ALG6: variants seen among roughly 807,000 people sequenced by gnomAD.
ALG6 encodes dolichyl pyrophosphate Man9GlcNAc2 alpha-1,3-glucosyltransferase.
ALG6 carries 46 observed loss-of-function variants against 66.6 expected under a neutral mutation model. The ratio of observed to expected loss-of-function variants is 0.69; its 90% confidence interval spans 0.55 to 0.88. The LOEUF (loss-of-function observed/expected upper bound fraction) is 0.88, where lower values mean the gene tolerates loss of function less well. Ranked by LOEUF, ALG6 falls within the 40% of genes least tolerant of loss-of-function variation. The pLI, the probability that ALG6 is intolerant of heterozygous loss-of-function variation, is 0.00. For missense variants in ALG6, 505 were observed against 586.8 expected, an observed-to-expected ratio of 0.86 and a Z score of 1.44; for synonymous variants, 185 against 203.7, an observed-to-expected ratio of 0.91 and a Z score of 0.78.
chr1:63,405,994 A>G (rs1557589683), intron 5 of ALG6, among the ~76,000 whole-genome samples: 1 of 152,108 alleles, frequency 6.6e-6, no homozygotes, highest in South Asian at 2.1e-4. Flanking sequence ...GAAAATTCAG[A>G]GTATATAGAT....
Position 63,395,928 on chromosome 1 carries a change from T to C in ALG6, c.83-585T>C, listed in dbSNP as rs185152499. Among the ~76,000 whole-genome samples, 174 of 152,300 alleles carry C rather than the reference T, an allele frequency of 1.1e-3. 1 individual carries two copies. The highest frequency in any genetic ancestry group is 3.1e-4 in the Non-Finnish European group (21 of 68,036). On this transcript the variant is annotated intron_variant, in intron 2 of 14. Coordinates refer to ENST00000263440, the MANE Select transcript of ALG6 (RefSeq NM_013339.4). ...TGCCTGTACTGAACATGTAGATTTT[T>C]TTCCCTTGCATTATCCCCTAAACAA...
chr1:63,398,267 G>A (rs1479088931), intron 3 of ALG6, among the ~76,000 whole-genome samples: 1 of 152,124 alleles, frequency 6.6e-6, no homozygotes, highest in Non-Finnish European at 1.5e-5. Context: ...CACTTTAAAT[G>A]TCTCTTAGTA....
chr1:63,373,658 A>T (rs11208196), intron 2 of ALG6, among the ~76,000 whole-genome samples: 70,912 of 133,002 alleles, frequency 0.53, 19,588 homozygotes, highest in East Asian at 0.69. Context: ...TTTAATTTAC[A>T]TTTTTTTTTT....
intron 14 of ALG6, among the ~76,000 whole-genome samples, chr1:63,430,667 G>T (rs977607119): frequency 2.6e-5 from 4 of 152,140 alleles, no homozygotes; most frequent in African/African-American, 9.7e-5. Flanking sequence ...ATCTTTTCAT[G>T]TGCTTATCGG....
chr1:63,405,722 GA>G (rs1286910008), intron 5 of ALG6, among the ~76,000 whole-genome samples: 1 of 151,806 alleles, frequency 6.6e-6, no homozygotes. Context: ...TGAGATATAA[GA>G]AAAAAATAAG....
In ALG6 at chr1:63,422,432, A is replaced by T. The variant is rs190802050; in HGVS notation, c.1058+2992A>T. Among the ~76,000 whole-genome samples, 21 of 23,960 alleles carry T rather than the reference A, an allele frequency of 8.8e-4. 2 individuals carry two copies. The highest frequency in any genetic ancestry group is 0.038 in the Middle Eastern group (1 of 26). 15.7% of individuals were successfully genotyped at this position (23,960 alleles called of 152,430 possible). A position where few individuals can be genotyped will look rare whatever the true frequency, so the allele number is the denominator to read the frequency against. ...AAATATAAATATATATATAAATATA[A>T]ATATATATATAAATATATATATAAA... is the stretch of plus-strand genomic sequence containing the variant. On this transcript the variant is annotated intron_variant, in intron 12 of 14. Coordinates refer to ENST00000263440, the MANE Select transcript of ALG6 (RefSeq NM_013339.4).
At chr1:63,424,774 ATTTTTTTTTTTTT>A (rs146137714) in intron 12 of ALG6, among the ~76,000 whole-genome samples, 1 of 114,046 alleles carries the variant, frequency 8.8e-6, no homozygotes, top group Non-Finnish European at 1.7e-5. Flanking sequence ...TTTTGAGTTA[ATTTTTTTTTTTTT>A]TTTTTTTTTG....
At chr1:63,434,870 T>C (rs1030668324) in intron 14 of ALG6, among the ~76,000 whole-genome samples, 9 of 152,052 alleles carry the variant, frequency 5.9e-5, no homozygotes, top group African/African-American at 2.2e-4. Flanking sequence ...AATGCAGACG[T>C]AGGGGACATG....
intron 2 of ALG6, among the ~76,000 whole-genome samples, chr1:63,371,825 G>A (rs1052691274): frequency 2.6e-5 from 4 of 152,054 alleles, no homozygotes; most frequent in South Asian, 2.1e-4. Context: ...GGCTGGTGTC[G>A]AACTCCTGAC....
intron 12 of ALG6, among the ~76,000 whole-genome samples, chr1:63,426,934 T>C (rs1644618035): frequency 6.6e-6 from 1 of 152,214 alleles, no homozygotes. Flanking sequence ...AAACAGTATT[T>C]ATTGAGCACC....
intron 2 of ALG6, among the ~76,000 whole-genome samples, chr1:63,385,236 G>A (rs1161361835): frequency 6.2e-5 from 7 of 112,180 alleles, no homozygotes; most frequent in African/African-American, 2.4e-4. Context: ...GTCTCGCTCT[G>A]TCACCCAGGC....
chr1:63,413,806 A>G lies in ALG6; in HGVS notation c.817-255A>G. The G allele has an allele frequency of 8.1e-6, 3 of 371,246 alleles. No homozygotes were observed. In the South Asian group the frequency reaches 9.4e-5, roughly 12 times the overall value. The allele number at this position is 371,246 out of a possible 1,614,324, so 23.0% of individuals were successfully genotyped here. A position where few individuals can be genotyped will look rare whatever the true frequency, so the allele number is the denominator to read the frequency against. The stretch of plus-strand genomic sequence containing the variant: ...AGGGATAGTGCACTGCTCTTTGAAA[A>G]CTATTAAGTATTTGGGAATGTCTGG... On this transcript the variant is annotated intron_variant, in intron 9 of 14. Transcript: ENST00000263440.
At chr1:63,385,428 G>A (rs899591335) in intron 2 of ALG6, among the ~76,000 whole-genome samples, 2 of 151,862 alleles carry the variant, frequency 1.3e-5, no homozygotes, top group African/African-American at 4.8e-5. Context: ...GGCCAGGCTG[G>A]TCTTGAACTC....
At chr1:63,427,787 C>G (rs1286636661) in intron 12 of ALG6, among the ~76,000 whole-genome samples, 1 of 109,978 alleles carries the variant, frequency 9.1e-6, no homozygotes, top group Admixed American at 9.3e-5. Context: ...CCCTAAACAA[C>G]TTTTTTTTTT....
chr1:63,422,309 A>G lies in ALG6; in HGVS notation c.1058+2869A>G, dbSNP rs1224146675. Among the ~76,000 whole-genome samples, 23 of 84,904 alleles carry G rather than the reference A, an allele frequency of 2.7e-4. 2 individuals carry two copies. In the Admixed American group the frequency reaches 3.4e-3, roughly 12 times the overall value. 55.7% of individuals were successfully genotyped at this position (84,904 alleles called of 152,430 possible). A position where few individuals can be genotyped will look rare whatever the true frequency, so the allele number is the denominator to read the frequency against. The stretch of plus-strand genomic sequence containing the variant: ...TATATATTTATATAGATATAAATAT[A>G]TATCTATATATGAATATATATCTAT... On this transcript the variant is annotated intron_variant, in intron 12 of 14. Transcript: ENST00000263440.
chr1:63,429,599 A>G (rs1557597784), intron 14 of ALG6: 1 of 159,244 alleles, frequency 6.3e-6, no homozygotes, highest in Non-Finnish European at 1.4e-5. Flanking sequence ...CCTGGCTTGT[A>G]GAAGGTCTCT....
rs926072042 is a variant in ALG6, at chr1:63,437,420, A to G, written c.*400A>G. The stretch of plus-strand genomic sequence containing the variant: ...CAGACCATATAGTGAGCTTCATGGG[A>G]GAATTGAGCCCCTTCTTTTTAATGG... On this transcript the variant is annotated 3_prime_UTR_variant, in exon 15 of 15. Coordinates refer to ENST00000263440, the MANE Select transcript of ALG6 (RefSeq NM_013339.4). 1 of 177,408 alleles carries G rather than the reference A, an allele frequency of 5.6e-6. No homozygotes were observed. Among genetic ancestry groups the G allele is most frequent in the Non-Finnish European group, 1.2e-5 (1 of 83,926 alleles). The allele number at this position is 177,408 out of a possible 1,614,324, so 11.0% of individuals were successfully genotyped here.
chr1:63,415,701 G>C (rs1312587614), intron 10 of ALG6, among the ~76,000 whole-genome samples, 172 bp from the exon 11 acceptor site: 1 of 151,782 alleles, frequency 6.6e-6, no homozygotes, highest in Non-Finnish European at 1.5e-5. Flanking sequence ...TCAATGTGTA[G>C]ATTTTGTTTA....
At chr1:63,379,647 G>A (rs929916952) in intron 2 of ALG6, among the ~76,000 whole-genome samples, 1 of 151,152 alleles carries the variant, frequency 6.6e-6, no homozygotes, top group Non-Finnish European at 1.5e-5. Flanking sequence ...TTGTTTCTGG[G>A]GCCTCTAAGG....
Sources: gnomAD v4.1 joint callset for allele counts (sites outside exome capture counted in the v4.1 genomes callset) on GRCh38, gnomAD v4.1.1 for gene constraint, MANE v1.5 for transcripts, NCBI Gene and HGNC (gene_info 2026-07-23, HGNC 2026-07-21) for gene names.